HEATR5A: variants seen among roughly 807,000 people sequenced by gnomAD.
HEATR5A encodes HEAT repeat containing 5A.
HEATR5A carries 178 observed loss-of-function variants against 218.8 expected under a neutral mutation model. The observed-to-expected ratio is 0.81, with a 90% confidence interval of 0.72 to 0.92. The LOEUF (loss-of-function observed/expected upper bound fraction) is 0.92. Among genes scored for constraint, HEATR5A ranks in the 40% least tolerant of loss-of-function variants. The probability of loss-of-function intolerance (pLI) is 0.00; values close to 1 mark genes in which losing one functional copy is unlikely to be tolerated. For missense variants in HEATR5A, 2,420 were observed against 2,418.9 expected, an observed-to-expected ratio of 1.00 and a Z score of -0.01; for synonymous variants, 864 against 871.6, an observed-to-expected ratio of 0.99 and a Z score of 0.15.
In HEATR5A at chr14:31,293,061, A is replaced by G; in HGVS notation, c.*244T>C. 2.5e-6 allele frequency: 1 copy of G among 403,350 alleles called. No homozygotes were observed. The highest frequency in any genetic ancestry group is 5.0e-5 in the South Asian group (1 of 20,068). 25.0% of individuals were successfully genotyped at this position (403,350 alleles called of 1,614,324 possible). A position where few individuals can be genotyped will look rare whatever the true frequency, so the allele number is the denominator to read the frequency against. The stretch of plus-strand genomic sequence containing the variant: ...AAGTTTAGTTCTTTAGCACTTTCTT[A>G]AAATTCCTGGCAAGTTAGCTCCATT... On this transcript the variant is annotated 3_prime_UTR_variant, in exon 36 of 36. Transcript: ENST00000543095.
At chr14:31,318,451 A>G (rs1391756207) in intron 25 of HEATR5A, among the ~76,000 whole-genome samples, 159 bp from the exon 26 acceptor site, 5 of 152,216 alleles carry the variant, frequency 3.3e-5, no homozygotes. Context: ...TTAGATAACA[A>G]CATCCCAATT....
chr14:31,414,473 T>C lies in HEATR5A; in HGVS notation c.-75+5999A>G, dbSNP rs118067190. The stretch of plus-strand genomic sequence containing the variant: ...ACTAAGAGCAGGAAGCTAACAGTGA[T>C]GAAAGAGACAAATAATATTGAATAT... On this transcript the variant is annotated intron_variant, in intron 1 of 35. Coordinates refer to ENST00000543095, the MANE Select transcript of HEATR5A (RefSeq NM_015473.4). Among the ~76,000 whole-genome samples, 1,470 of 152,274 alleles carry C rather than the reference T, an allele frequency of 9.7e-3. 20 individuals carry two copies. Among genetic ancestry groups the C allele is most frequent in the Middle Eastern group, 0.045 (13 of 292 alleles).
rs773790453 is a variant in HEATR5A, at chr14:31,306,793, C to T, written c.4905G>A (p.Val1635=). ...SPSIQLASLE[V]VRQIICAAQE... The stretch of plus-strand genomic sequence containing the variant: ...GAGCAGCACAGATAATCTGCCTTAC[C>T]ACTTCAAGTGAAGCCAACTGAATGG... Residue 1635 remains valine, a synonymous_variant, in exon 31 of 36, where the codon GTG becomes GTA. Coordinates refer to ENST00000543095, the MANE Select transcript of HEATR5A (RefSeq NM_015473.4). 2 of 1,613,724 alleles carry T rather than the reference C, an allele frequency of 1.2e-6. No individual in the cohort carries two copies. Among genetic ancestry groups the T allele is most frequent in the Non-Finnish European group, 1.7e-6 (2 of 1,179,762 alleles).
chr14:31,368,789 T>C (rs553585564), intron 13 of HEATR5A, among the ~76,000 whole-genome samples: 30 of 152,008 alleles, frequency 2.0e-4, no homozygotes, highest in Non-Finnish European at 3.5e-4. Context: ...CTCAAATCCC[T>C]GACCTCAAGC....
intron 4 of HEATR5A, among the ~76,000 whole-genome samples, chr14:31,398,472 C>A (rs760301335): frequency 9.9e-5 from 15 of 152,146 alleles, no homozygotes; most frequent in Non-Finnish European, 1.3e-4. Context: ...ACATGAAATT[C>A]TACTGCATTA....
Position 31,294,015 on chromosome 14 carries a change from G to C in HEATR5A, c.5709C>G (p.Ser1903=), listed in dbSNP as rs2139115935. The part of the protein sequence containing the change: ...VSYPYIYSLA[S]CIMEKLQEID... ...TTTCCTGCAGTTTTTCCATGATACA[G>C]GATGCTAAAGAGTAAATGTATGGGT... Residue 1903 remains serine (S), a synonymous_variant, in exon 35 of 36, where the codon TCC becomes TCG. Coordinates refer to ENST00000543095, the MANE Select transcript of HEATR5A (RefSeq NM_015473.4). 1 of 1,604,436 alleles carries C rather than the reference G, an allele frequency of 6.2e-7. No homozygotes were observed. Among genetic ancestry groups the C allele is most frequent in the Middle Eastern group, 1.7e-4 (1 of 6,046 alleles).
chr14:31,349,121 G>A (rs894268627), intron 18 of HEATR5A, among the ~76,000 whole-genome samples: 2 of 152,146 alleles, frequency 1.3e-5, no homozygotes, highest in African/African-American at 4.8e-5. Context: ...CAGGAGCAGT[G>A]GTCCACGCTT....
At chr14:31,387,456 TAATA>T (rs1484433528) in intron 7 of HEATR5A, 81 bp from the exon 8 acceptor site, 2 of 1,042,216 alleles carry the variant, frequency 1.9e-6, no homozygotes, top group East Asian at 2.6e-5. Flanking sequence ...TAGCATTTAT[TAATA>T]TTTTTCTTAT....
At chr14:31,402,332 G>A (rs925405940) in intron 2 of HEATR5A, among the ~76,000 whole-genome samples, 2 of 152,130 alleles carry the variant, frequency 1.3e-5, no homozygotes, top group African/African-American at 2.4e-5. Flanking sequence ...AACCAAACAC[G>A]GCAAAATGTT....
chr14:31,389,836 A>C (rs2030377485), intron 6 of HEATR5A, among the ~76,000 whole-genome samples: 1 of 152,174 alleles, frequency 6.6e-6, no homozygotes, highest in South Asian at 2.1e-4. Flanking sequence ...AACATTATTG[A>C]ATAGTGCAAA....
intron 13 of HEATR5A, among the ~76,000 whole-genome samples, chr14:31,366,714 A>G (rs1487217475): frequency 3.3e-5 from 5 of 152,232 alleles, no homozygotes; most frequent in Non-Finnish European, 2.9e-5. Flanking sequence ...TCTGAGGCCA[A>G]CCAGCCCCTA....
intron 10 of HEATR5A, among the ~76,000 whole-genome samples, chr14:31,382,747 T>C (rs2030046495): frequency 6.6e-6 from 1 of 150,884 alleles, no homozygotes; most frequent in African/African-American, 2.4e-5. Context: ...AAGTTGAATA[T>C]CATTATGAAC....
chr14:31,378,260 AG>A (rs142382225), intron 11 of HEATR5A, among the ~76,000 whole-genome samples: 2,990 of 152,334 alleles, frequency 0.02, 85 homozygotes, highest in African/African-American at 0.068. Flanking sequence ...GTACACCTAA[AG>A]GTCACAGACA....
chr14:31,320,537 G>A (rs1158695330), intron 25 of HEATR5A: 5 of 1,066,136 alleles, frequency 4.7e-6, no homozygotes, highest in Non-Finnish European at 4.3e-6. Flanking sequence ...TGAATTCTCT[G>A]GGCTATTCAA....
At chr14:31,325,484 ATATGTATGTATG>A (rs543647892) in intron 23 of HEATR5A, among the ~76,000 whole-genome samples, 164 of 142,284 alleles carry the variant, frequency 1.2e-3, no homozygotes, top group African/African-American at 3.0e-3. Flanking sequence ...ATGTATGAAC[ATATGTATGTATG>A]TATGTATGTA....
chr14:31,394,455 A>G (rs934638511), intron 5 of HEATR5A, among the ~76,000 whole-genome samples: 1 of 152,176 alleles, frequency 6.6e-6, no homozygotes, highest in Non-Finnish European at 1.5e-5. Flanking sequence ...CTAACTCCAC[A>G]GGTTATGAAA....
rs868050681 is a variant in HEATR5A at position 31,308,975 on chromosome 14, G to T, written c.4649C>A (p.Ser1550Tyr). The T allele has an allele frequency of 1.2e-6, 2 of 1,613,756 alleles. No homozygotes were observed. The highest frequency in any genetic ancestry group is 2.7e-5 in the African/African-American group (2 of 74,988). ...TCTATCAGTGTAGACATCCTCAGGG[G>T]ACTTTATGGTAGCCCCAGATGATGA... ...QGSSSGATIK[S>Y]PEDVYTDRFH... Residue 1550 changes from serine to tyrosine, a missense_variant, in exon 29 of 36, where the codon TCC becomes TAC. Ser to Tyr is a moderately radical substitution (Grantham distance 144). Coordinates refer to ENST00000543095, the MANE Select transcript of HEATR5A (RefSeq NM_015473.4).
intron 13 of HEATR5A, among the ~76,000 whole-genome samples, 198 bp from the exon 14 acceptor site, chr14:31,364,496 G>A (rs45490191): frequency 0.34 from 51,866 of 152,000 alleles, 10,181 homozygotes; most frequent in Non-Finnish European, 0.43. Flanking sequence ...CTTGGCTCAC[G>A]GCAACCTCTG....
At chr14:31,311,959 T>A (rs1400936140) in intron 28 of HEATR5A, among the ~76,000 whole-genome samples, 2 of 152,142 alleles carry the variant, frequency 1.3e-5, no homozygotes, top group African/African-American at 4.8e-5. Context: ...CTTGTATATA[T>A]TTTTCTAAAT....
Sources: gnomAD v4.1 joint callset for allele counts (sites outside exome capture counted in the v4.1 genomes callset) on GRCh38, gnomAD v4.1.1 for gene constraint, MANE v1.5 for transcripts, NCBI Gene and HGNC (gene_info 2026-07-23, HGNC 2026-07-21) for gene names.